Variants in SLC35F4 observed in about 807,000 individuals in gnomAD.
The protein encoded by SLC35F4 is solute carrier family 35 member F4.
In SLC35F4, 24 loss-of-function variants were observed where a neutral mutation model predicts 44.2. The ratio of observed to expected loss-of-function variants is 0.54; its 90% CI spans 0.39 to 0.76. The LOEUF (loss-of-function observed/expected upper bound fraction) is 0.76, where lower values mean the gene tolerates loss of function less well. Among genes scored for constraint, SLC35F4 ranks in the 30% least tolerant of loss-of-function variants. The pLI, the probability that SLC35F4 is intolerant of heterozygous loss-of-function variation, is 0.00. For synonymous variants in SLC35F4, 238 were observed against 223.6 expected (o/e 1.06, Z -0.57); for missense variants, 562 against 586.1 (o/e 0.96, Z 0.42).
chr14:57,765,435 C>T (rs2077213849), intron 1 of SLC35F4, among the ~76,000 whole-genome samples: 1 of 152,214 alleles, frequency 6.6e-6, no homozygotes, highest in Non-Finnish European at 1.5e-5. Flanking sequence ...AAAGCCCATT[C>T]TGCATTGAGA....
downstream of SLC35F4, among the ~76,000 whole-genome samples, chr14:57,975,058 G>A (rs1424559596): frequency 3.3e-5 from 5 of 152,196 alleles, no homozygotes; most frequent in Non-Finnish European, 7.3e-5. Context: ...TTCAGCTAAT[G>A]TATTCTCTAA....
chr14:57,781,495 A>G (rs973704007), intron 1 of SLC35F4, among the ~76,000 whole-genome samples: 3 of 152,176 alleles, frequency 2.0e-5, no homozygotes, highest in African/African-American at 7.2e-5. Context: ...CATTGTAGAA[A>G]GCAGTGTGAT....
intron 1 of SLC35F4, among the ~76,000 whole-genome samples, chr14:57,781,804 T>C (rs1362700774): frequency 6.6e-6 from 1 of 152,098 alleles, no homozygotes; most frequent in Non-Finnish European, 1.5e-5. Context: ...AGCAAACTGA[T>C]GCAGGAACAG....
At chr14:57,634,453 G>A (rs753518357) in intron 1 of SLC35F4, among the ~76,000 whole-genome samples, 1 of 152,142 alleles carries the variant, frequency 6.6e-6, no homozygotes, top group Non-Finnish European at 1.5e-5. Flanking sequence ...GTGCTTCAGA[G>A]TGTGGGAGTG....
At chr14:57,948,495 A>G (rs1890074197) in intron 1 of SLC35F4, among the ~76,000 whole-genome samples, 1 of 151,154 alleles carries the variant, frequency 6.6e-6, no homozygotes, top group South Asian at 2.1e-4. Context: ...TTTTTGTTTT[A>G]TTTATCTTTT....
At chr14:57,745,159 G>T (rs1439249008) in intron 1 of SLC35F4, among the ~76,000 whole-genome samples, 1 of 152,162 alleles carries the variant, frequency 6.6e-6, no homozygotes, top group South Asian at 2.1e-4. Context: ...ATACCATTCA[G>T]GACATAGGCA....
intron 1 of SLC35F4, among the ~76,000 whole-genome samples, chr14:57,639,304 A>G (rs1380058297): frequency 6.6e-6 from 1 of 152,054 alleles, no homozygotes; most frequent in African/African-American, 2.4e-5. Context: ...AAGATATACC[A>G]CTTCTCATCC....
chr14:57,958,880 TAG>T, intron 1 of SLC35F4, among the ~76,000 whole-genome samples: 1 of 152,236 alleles, frequency 6.6e-6, no homozygotes, highest in Non-Finnish European at 1.5e-5. Flanking sequence ...TAACTCCCCG[TAG>T]AGAGAGGGTT....
intron 1 of SLC35F4, among the ~76,000 whole-genome samples, chr14:57,822,472 T>C (rs561527826): frequency 5.6e-4 from 86 of 152,234 alleles, no homozygotes; most frequent in Middle Eastern, 3.4e-3. Context: ...GTAAACTAGG[T>C]TATTCTCTAC....
chr14:57,871,625 A>T (rs1161242319), intron 1 of SLC35F4, among the ~76,000 whole-genome samples: 1 of 152,180 alleles, frequency 6.6e-6, no homozygotes, highest in African/African-American at 2.4e-5. Context: ...TGTGGTAGTC[A>T]TTGTTACTGT....
chr14:57,843,057 G>A (rs1885647452), intron 1 of SLC35F4, among the ~76,000 whole-genome samples: 1 of 152,012 alleles, frequency 6.6e-6, no homozygotes, highest in Non-Finnish European at 1.5e-5. Context: ...GATTTGCCAG[G>A]GGCTATCGAA....
chr14:57,741,188 G>A (rs559911302), intron 1 of SLC35F4, among the ~76,000 whole-genome samples: 1 of 152,354 alleles, frequency 6.6e-6, no homozygotes, highest in East Asian at 1.9e-4. Flanking sequence ...CTCCTCCAAA[G>A]GAATGCAGCT....
intron 1 of SLC35F4, among the ~76,000 whole-genome samples, chr14:57,605,109 A>G (rs1627311): frequency 0.71 from 107,770 of 151,546 alleles, 39,040 homozygotes; most frequent in Middle Eastern, 0.8. Flanking sequence ...ATTGACAAAC[A>G]AGACCTAATT....
At chr14:57,594,376 A>T (rs990787973) in intron 1 of SLC35F4, among the ~76,000 whole-genome samples, 5 of 152,066 alleles carry the variant, frequency 3.3e-5, no homozygotes, top group Non-Finnish European at 7.4e-5. Context: ...TTTTGTAGAG[A>T]CAGGGTTTCA....
Position 57,630,584 on chromosome 14 carries a change from A to G in SLC35F4, c.104-36460T>C, listed in dbSNP as rs191038956. The stretch of plus-strand genomic sequence containing the variant: ...CTCAAGATATGAAAAGGAATTAGGG[A>G]AAAAAAGAACCACCTAGATCCAAAT... On this transcript the variant is annotated intron_variant, in intron 1 of 7. Transcript: ENST00000556826. 280 of 941,616 alleles carry G rather than the reference A, an allele frequency of 3.0e-4. No individual in the cohort carries two copies. In the African/African-American group the frequency reaches 3.8e-3, roughly 13 times the overall value. The allele number at this position is 941,616 out of a possible 1,614,324, so 58.3% of individuals were successfully genotyped here. A position where few individuals can be genotyped will look rare whatever the true frequency, so the allele number is the denominator to read the frequency against.
At chr14:57,718,636 G>C (rs1016997872) in intron 1 of SLC35F4, among the ~76,000 whole-genome samples, 1 of 152,164 alleles carries the variant, frequency 6.6e-6, no homozygotes, top group African/African-American at 2.4e-5. Context: ...CCATTTGCAT[G>C]TCTTCTTTTG....
At chr14:57,888,637 A>G (rs1180811598) in intron 1 of SLC35F4, among the ~76,000 whole-genome samples, 1 of 152,206 alleles carries the variant, frequency 6.6e-6, no homozygotes, top group Admixed American at 6.5e-5. Flanking sequence ...TGATTTACCA[A>G]AAAGGGACAT....
At chr14:57,841,426 G>A (rs184339840) in intron 1 of SLC35F4, among the ~76,000 whole-genome samples, 5 of 152,280 alleles carry the variant, frequency 3.3e-5, no homozygotes, top group Admixed American at 3.3e-4. Context: ...TTGTGGAAGT[G>A]GGTTAAGTGG....
intron 1 of SLC35F4, among the ~76,000 whole-genome samples, chr14:57,659,380 G>A (rs2074066632): frequency 6.6e-6 from 1 of 152,162 alleles, no homozygotes; most frequent in African/African-American, 2.4e-5. Flanking sequence ...TGAGGTCTCA[G>A]CAGTCAGAGT....
Sources: allele counts gnomAD v4.1 joint callset (sites outside exome capture counted in the v4.1 genomes callset), GRCh38; gene constraint gnomAD v4.1.1; transcripts MANE v1.5; gene names NCBI Gene and HGNC (gene_info 2026-07-23, HGNC 2026-07-21).